Variants in VIPR1 observed in about 807,000 individuals in gnomAD.
VIPR1 encodes the protein vasoactive intestinal polypeptide receptor 1.
Under a neutral mutation model 58.8 loss-of-function variants are expected in VIPR1, and 59 were observed. The ratio of observed to expected loss-of-function variants is 1.00; its 90% CI spans 0.81 to 1.25. The LOEUF is 1.25. VIPR1 is among the 50% of genes most tolerant of loss of function. VIPR1 has a pLI of 0.00. For synonymous variants in VIPR1, 251 were observed against 242.1 expected, an observed-to-expected ratio of 1.04 and a Z score of -0.34; for missense variants, 626 against 602.7, an observed-to-expected ratio of 1.04 and a Z score of -0.40.
Position 42,536,334 on chromosome 3 carries a change from C to G in VIPR1, c.*53C>G, listed in dbSNP as rs1304382980. Reference sequence around the variant, plus strand: ...GCCCCTCCCGCCCCTTCCCACTCACCCCGGCAGACGCCGGGGACAGAGGCC... The same window carrying G: ...GCCCCTCCCGCCCCTTCCCACTCACGCCGGCAGACGCCGGGGACAGAGGCC... On this transcript the variant is annotated 3_prime_UTR_variant, in exon 13 of 13. Transcript: ENST00000325123. 6.8e-7 allele frequency: 1 copy of G among 1,465,256 alleles called. No individual in the cohort carries two copies. Among genetic ancestry groups the G allele is most frequent in the South Asian group, 1.4e-5 (1 of 72,540 alleles). The allele number at this position is 1,465,256 out of a possible 1,614,324, so 90.8% of individuals were successfully genotyped here.
At chr3:42,528,225 T>G (rs1476740372) in intron 6 of VIPR1, 102 bp downstream of exon 6, 20 of 1,417,178 alleles carry the variant, frequency 1.4e-5, no homozygotes, top group African/African-American at 3.0e-5. Flanking sequence ...CTCCTCCCTC[T>G]TCCCTCCCAC....
chr3:42,511,119 G>A (rs1700342248), intron 1 of VIPR1, among the ~76,000 whole-genome samples: 1 of 152,214 alleles, frequency 6.6e-6, no homozygotes, highest in Non-Finnish European at 1.5e-5. Flanking sequence ...AGCTCATGTT[G>A]CTAGCAGTAG....
At chr3:42,502,409 C>G, upstream of VIPR1, among the ~76,000 whole-genome samples, 1 of 152,206 alleles carries the variant, frequency 6.6e-6, no homozygotes, top group East Asian at 1.9e-4. Context: ...GTGATGAGCC[C>G]GGAGGGGCGA....
intron 2 of VIPR1, among the ~76,000 whole-genome samples, chr3:42,518,453 T>C (rs1192609271): frequency 6.6e-6 from 1 of 152,216 alleles, no homozygotes; most frequent in Non-Finnish European, 1.5e-5. Flanking sequence ...AAACAGCTTG[T>C]GTTGGCCGGG....
At chr3:42,491,574 GTTTGTTT>G (rs920220998) in intron 1 of VIPR1, among the ~76,000 whole-genome samples, 9 of 106,552 alleles carry the variant, frequency 8.4e-5, no homozygotes, top group Admixed American at 7.9e-4. Context: ...TTGTTTGTTT[GTTTGTTT>G]TTTGTTTGTT....
In VIPR1 at chr3:42,524,780, A is replaced by C. The variant is rs78829151; in HGVS notation, c.293-1107A>C. 6.4e-3 allele frequency among the ~76,000 whole-genome samples: 977 copies of C among 152,212 alleles called. 31 individuals are homozygous for C. The highest frequency in any genetic ancestry group is 0.047 in the Admixed American group (712 of 15,290). On this transcript the variant is annotated intron_variant, in intron 3 of 12. Transcript: ENST00000325123. The stretch of plus-strand genomic sequence containing the variant: ...GGTCACCTCCATGCAGGTGAGAACC[A>C]AGCTTACCTGGGAAGACTCTGGAGA...
chr3:42,530,198 C>G (rs936155691), intron 6 of VIPR1: 1 of 152,924 alleles, frequency 6.5e-6, no homozygotes, highest in African/African-American at 2.4e-5. Flanking sequence ...AAGTAGGCAG[C>G]AGGATAAATG....
At chr3:42,516,776 G>T (rs573894119) in intron 2 of VIPR1, 4 of 152,228 alleles carry the variant, frequency 2.6e-5, no homozygotes, top group African/African-American at 9.6e-5. Flanking sequence ...AGACTGTACC[G>T]CTTACCAGCA....
At chr3:42,525,842 T>C (rs1371390163) in intron 3 of VIPR1, 45 bp from the exon 4 acceptor site, 2 of 1,539,120 alleles carry the variant, frequency 1.3e-6, no homozygotes, top group East Asian at 2.4e-5. Flanking sequence ...CAGGTCCCCA[T>C]GCTCCCGGCC....
intron 7 of VIPR1, chr3:42,531,218 T>A: frequency 1.6e-6 from 1 of 613,408 alleles, no homozygotes; most frequent in African/African-American, 1.8e-5. Context: ...TGCTAATCTA[T>A]AAAGGGCCTC....
intron 1 of VIPR1, among the ~76,000 whole-genome samples, chr3:42,504,760 G>C (rs1489728580): frequency 6.8e-6 from 1 of 146,094 alleles, no homozygotes; most frequent in Non-Finnish European, 1.5e-5. Context: ...TGTGACGGCG[G>C]GGTGGGGGGG....
chr3:42,517,882 A>C (rs562441560), intron 2 of VIPR1, among the ~76,000 whole-genome samples: 1 of 152,300 alleles, frequency 6.6e-6, no homozygotes, highest in East Asian at 1.9e-4. Context: ...AGGCTGAGGC[A>C]GGAGAATCAC....
At chr3:42,495,399 G>T (rs1428273902) in intron 1 of VIPR1, among the ~76,000 whole-genome samples, 1 of 152,132 alleles carries the variant, frequency 6.6e-6, no homozygotes, top group Non-Finnish European at 1.5e-5. Flanking sequence ...GGGATTACAG[G>T]CATGAGCCAC....
intron 6 of VIPR1, chr3:42,529,427 T>C (rs1381788473): frequency 7.3e-6 from 1 of 136,522 alleles, no homozygotes; most frequent in Non-Finnish European, 1.5e-5. Context: ...ATCATGCCAT[T>C]GCACTCCAGC....
In VIPR1 at chr3:42,519,262, C is replaced by A. The variant is rs749480126; in HGVS notation, c.224C>A (p.Ala75Asp). The A allele has an allele frequency of 6.2e-7, 1 of 1,610,536 alleles. No homozygotes were observed. The highest frequency in any genetic ancestry group is 1.3e-5 in the African/African-American group (1 of 74,826). ...TGGGACAACCTCACCTGCTGGCCAGCCACCCCTCGGGGCCAGGTAGTTGTC... is the reference window on the plus strand; with the variant it reads ...TGGGACAACCTCACCTGCTGGCCAGACACCCCTCGGGGCCAGGTAGTTGTC... ...KMWDNLTCWP[A>D]TPRGQVVVLA... The change falls in exon 3 of 13, where the codon GCC (alanine) becomes GAC (aspartate). Residue 75 changes from alanine to aspartate, a missense_variant. By Grantham distance (126) the Ala-to-Asp change is moderately radical. Coordinates refer to ENST00000325123, the MANE Select transcript of VIPR1 (RefSeq NM_004624.4).
chr3:42,536,008 C>G, intron 12 of VIPR1, 82 bp from the exon 13 acceptor site: 1 of 1,443,064 alleles, frequency 6.9e-7, no homozygotes, highest in Non-Finnish European at 9.3e-7. Flanking sequence ...CTGGCTAGTT[C>G]AGAACCCTAA....
At chr3:42,510,033 A>G (rs1307684310) in intron 1 of VIPR1, among the ~76,000 whole-genome samples, 1 of 152,180 alleles carries the variant, frequency 6.6e-6, no homozygotes, top group Non-Finnish European at 1.5e-5. Context: ...ATGGCCTAGG[A>G]GTGAAAGCTC....
intron 3 of VIPR1, among the ~76,000 whole-genome samples, chr3:42,523,717 T>C (rs1049599883): frequency 1.3e-5 from 2 of 152,136 alleles, no homozygotes; most frequent in Non-Finnish European, 2.9e-5. Context: ...ATGCTTGCCA[T>C]GTCATTGGGC....
intron 1 of VIPR1, among the ~76,000 whole-genome samples, chr3:42,510,973 G>A (rs935133328): frequency 6.6e-6 from 1 of 152,116 alleles, no homozygotes; most frequent in African/African-American, 2.4e-5. Context: ...CAAACTATAT[G>A]GCCACAGTCC....
Sources: allele counts gnomAD v4.1 joint callset (sites outside exome capture counted in the v4.1 genomes callset), GRCh38; gene constraint gnomAD v4.1.1; transcripts MANE v1.5; gene names NCBI Gene and HGNC (gene_info 2026-07-23, HGNC 2026-07-21).